Variants in GLG1 observed in about 807,000 individuals in gnomAD.
GLG1 encodes golgi glycoprotein 1.
GLG1 carries 38 observed loss-of-function variants against 160.5 expected under a neutral mutation model. That is an observed-to-expected ratio of 0.24 (90% CI 0.18 to 0.31). GLG1 has a LOEUF of 0.31. Among genes scored for constraint, GLG1 ranks in the 10% least tolerant of loss-of-function variants. The pLI is 1.00. For synonymous variants in GLG1, 644 were observed against 543.4 expected (o/e 1.19, Z -2.57); for missense variants, 1,373 against 1,505.2 (o/e 0.91, Z 1.45).
At chr16:74,505,779 C>T (rs1004867371) in intron 3 of GLG1, among the ~76,000 whole-genome samples, 1 of 152,110 alleles carries the variant, frequency 6.6e-6, no homozygotes. Flanking sequence ...TGCTAGAACC[C>T]GGCAGGCGGA....
intron 8 of GLG1, among the ~76,000 whole-genome samples, chr16:74,486,747 G>T (rs2015797029): frequency 6.6e-6 from 1 of 152,210 alleles, no homozygotes; most frequent in Middle Eastern, 3.4e-3. Context: ...TTAGCTTTGA[G>T]AACATGGACA....
At chr16:74,586,975 G>A (rs1958068389) in intron 1 of GLG1, among the ~76,000 whole-genome samples, 2 of 145,716 alleles carry the variant, frequency 1.4e-5, no homozygotes, top group South Asian at 2.2e-4. Flanking sequence ...GATTATAGGC[G>A]TGAGCCACCG....
chr16:74,497,434 CTT>C (rs773526380), intron 4 of GLG1, among the ~76,000 whole-genome samples: 31 of 117,136 alleles, frequency 2.6e-4, no homozygotes, highest in Admixed American at 8.1e-4. Flanking sequence ...ACAGTGCTTG[CTT>C]TTTTTTTTTT....
chr16:74,550,323 A>C (rs1314899252), intron 1 of GLG1, among the ~76,000 whole-genome samples: 1 of 152,122 alleles, frequency 6.6e-6, no homozygotes, highest in Non-Finnish European at 1.5e-5. Flanking sequence ...AAGAGCTCGA[A>C]GTCTCAATTG....
intron 8 of GLG1, among the ~76,000 whole-genome samples, chr16:74,489,545 C>A (rs976131602): frequency 6.6e-6 from 1 of 152,026 alleles, no homozygotes; most frequent in East Asian, 1.9e-4. Context: ...GGATGAAGTG[C>A]AAATATAGGC....
intron 2 of GLG1, among the ~76,000 whole-genome samples, chr16:74,530,300 G>C (rs545184233): frequency 2.6e-5 from 4 of 152,224 alleles, no homozygotes; most frequent in Non-Finnish European, 5.9e-5. Flanking sequence ...GAAATGCTGG[G>C]TCAAAACATA....
At chr16:74,578,755 T>C (rs1957868996) in intron 1 of GLG1, among the ~76,000 whole-genome samples, 1 of 152,190 alleles carries the variant, frequency 6.6e-6, no homozygotes, top group Non-Finnish European at 1.5e-5. Context: ...CTGATGTAGA[T>C]ATATTGATTC....
intron 1 of GLG1, among the ~76,000 whole-genome samples, chr16:74,593,209 G>T (rs561957839): frequency 6.6e-6 from 1 of 152,048 alleles, no homozygotes; most frequent in South Asian, 2.1e-4. Context: ...ACACAAAATG[G>T]ACTCAGACAA....
intron 1 of GLG1, among the ~76,000 whole-genome samples, chr16:74,586,568 C>G (rs1340564797): frequency 6.6e-6 from 1 of 152,038 alleles, no homozygotes; most frequent in Non-Finnish European, 1.5e-5. Flanking sequence ...TCAATCTCCT[C>G]AGCTCAAACA....
intron 4 of GLG1, 96 bp downstream of exon 4, chr16:74,503,435 A>G: frequency 1.3e-6 from 1 of 792,190 alleles, no homozygotes; most frequent in Non-Finnish European, 2.2e-6. Flanking sequence ...ACTTAAGGTC[A>G]CTCCAGTCCT....
At chr16:74,562,142 GA>G (rs2018530122) in intron 1 of GLG1, among the ~76,000 whole-genome samples, 1 of 152,242 alleles carries the variant, frequency 6.6e-6, no homozygotes, top group African/African-American at 2.4e-5. Flanking sequence ...CATTCCTGGA[GA>G]AATCTCCAGT....
chr16:74,585,182 C>T (rs1326846585), intron 1 of GLG1, among the ~76,000 whole-genome samples: 1 of 152,060 alleles, frequency 6.6e-6, no homozygotes, highest in Non-Finnish European at 1.5e-5. Flanking sequence ...CCAAGGCAGG[C>T]AGATCACCTG....
At chr16:74,463,834 C>A in intron 19 of GLG1, 2 of 223,800 alleles carry the variant, frequency 8.9e-6, no homozygotes, top group Non-Finnish European at 8.8e-6. Context: ...CTGGGCTTCC[C>A]AAAGTGCTGG....
rs1002926203 is a variant in GLG1, at chr16:74,593,411, T to G, written c.438+13246A>C. Among the ~76,000 whole-genome samples the G allele has an allele frequency of 1.1e-4, 16 of 151,114 alleles. 1 individual carries two copies. Among genetic ancestry groups the G allele is most frequent in the Admixed American group, 1.3e-4 (2 of 14,976 alleles). On this transcript the variant is annotated intron_variant, in intron 1 of 25. Transcript: ENST00000422840. ...CAGTCTTTATAGTTTACACCTAAAT[T>G]ACAAGTGAAGTACCAGAGCTTTTTT...
At chr16:74,519,898 C>T (rs932366152) in intron 2 of GLG1, among the ~76,000 whole-genome samples, 2 of 152,144 alleles carry the variant, frequency 1.3e-5, no homozygotes, top group African/African-American at 4.8e-5. Flanking sequence ...CCCACTCCTC[C>T]CCATACAGTT....
At chr16:74,503,068 G>C (rs1056512685) in intron 4 of GLG1, among the ~76,000 whole-genome samples, 3 of 151,822 alleles carry the variant, frequency 2.0e-5, no homozygotes, top group African/African-American at 7.3e-5. Flanking sequence ...TTAGCCAGGC[G>C]TGGTGGTGCA....
intron 1 of GLG1, among the ~76,000 whole-genome samples, chr16:74,597,851 CAAAA>C (rs34802935): frequency 2.9e-5 from 3 of 103,098 alleles, no homozygotes; most frequent in Admixed American, 1.1e-4. Flanking sequence ...GAGACTGCCT[CAAAA>C]AAAAAAAAAA....
chr16:74,493,528 G>T (rs555686662), intron 6 of GLG1, among the ~76,000 whole-genome samples: 1 of 152,112 alleles, frequency 6.6e-6, no homozygotes, highest in Non-Finnish European at 1.5e-5. Context: ...GGGATATTCT[G>T]TTCAATGCTT....
At chr16:74,606,520 G>A (rs1338647563) in intron 1 of GLG1, 137 bp downstream of exon 1, 8 of 664,078 alleles carry the variant, frequency 1.2e-5, no homozygotes, top group Non-Finnish European at 1.7e-5. Context: ...TGGGAGTGAG[G>A]AGCAAAGAGG....
Sources: allele counts gnomAD v4.1 joint callset (sites outside exome capture counted in the v4.1 genomes callset), GRCh38; gene constraint gnomAD v4.1.1; transcripts MANE v1.5; gene names NCBI Gene and HGNC (gene_info 2026-07-23, HGNC 2026-07-21).